The following ASCC3 variants were observed in gnomAD, a reference collection of about 807,000 sequenced individuals.
The protein encoded by ASCC3 is activating signal cointegrator 1 complex subunit 3, also known as ASC-1 complex subunit P200.
Under a neutral mutation model 256.3 loss-of-function variants are expected in ASCC3, and 158 were observed. The ratio of observed to expected loss-of-function variants is 0.62; its 90% confidence interval spans 0.54 to 0.70. ASCC3 has a LOEUF of 0.70. Among genes scored for constraint, ASCC3 ranks in the 30% least tolerant of loss-of-function variants. The probability of loss-of-function intolerance (pLI) is 0.00; values close to 1 mark genes in which losing one functional copy is unlikely to be tolerated. For synonymous variants in ASCC3, 948 were observed against 883.4 expected (o/e 1.07, Z -1.30); for missense variants, 2,259 against 2,626.0 (o/e 0.86, Z 3.05).
intron 11 of ASCC3, among the ~76,000 whole-genome samples, chr6:100,724,169 A>C (rs920367374): frequency 3.2e-4 from 48 of 150,640 alleles, no homozygotes; most frequent in Admixed American, 5.3e-4. Context: ...ACAAAAAAAA[A>C]CACACAAGTG....
At chr6:100,640,791 A>G (rs1448017344) in intron 24 of ASCC3, among the ~76,000 whole-genome samples, 4 of 152,184 alleles carry the variant, frequency 2.6e-5, no homozygotes, top group African/African-American at 9.6e-5. Context: ...AAGCCAAAGT[A>G]TAAAGTATCT....
intron 14 of ASCC3, among the ~76,000 whole-genome samples, chr6:100,664,972 C>T (rs1776395105): frequency 6.6e-6 from 1 of 152,176 alleles, no homozygotes; most frequent in Non-Finnish European, 1.5e-5. Context: ...AAATGTTCTG[C>T]TGTCCTTCTT....
At chr6:100,654,999 T>A (rs1582641417) in intron 17 of ASCC3, among the ~76,000 whole-genome samples, 1 of 151,998 alleles carries the variant, frequency 6.6e-6, no homozygotes, top group East Asian at 1.9e-4. Context: ...AATTTTGACT[T>A]AATACTAGTT....
intron 1 of ASCC3, among the ~76,000 whole-genome samples, chr6:100,880,168 C>T (rs1230184190): frequency 6.6e-6 from 1 of 152,024 alleles, no homozygotes; most frequent in Non-Finnish European, 1.5e-5. Context: ...CTTTAAGGAT[C>T]ATTTTTCTCA....
intron 13 of ASCC3, among the ~76,000 whole-genome samples, chr6:100,705,614 A>G (rs1284961243): frequency 6.6e-6 from 1 of 152,018 alleles, no homozygotes; most frequent in Non-Finnish European, 1.5e-5. Context: ...GAAGGCAAGA[A>G]AAAAGCAAAT....
intron 8 of ASCC3, among the ~76,000 whole-genome samples, chr6:100,782,770 GC>G (rs1782508415): frequency 6.6e-6 from 1 of 151,674 alleles, no homozygotes; most frequent in Non-Finnish European, 1.5e-5. Flanking sequence ...TCTTTTTATG[GC>G]CAAAAAAAAG....
chr6:100,662,754 A>G (rs1776287260), intron 14 of ASCC3, among the ~76,000 whole-genome samples: 1 of 152,026 alleles, frequency 6.6e-6, no homozygotes, highest in African/African-American at 2.4e-5. Context: ...CAAAATTCAA[A>G]AGGAAAGAGG....
chr6:100,865,020 A>G (rs1261901074), intron 2 of ASCC3, among the ~76,000 whole-genome samples: 2 of 152,212 alleles, frequency 1.3e-5, no homozygotes, highest in Non-Finnish European at 2.9e-5. Flanking sequence ...TAATTTTGCT[A>G]TTGGTTAGAA....
intron 10 of ASCC3, among the ~76,000 whole-genome samples, chr6:100,741,072 C>T (rs1780412876): frequency 6.6e-6 from 1 of 152,148 alleles, no homozygotes; most frequent in Admixed American, 6.6e-5. Flanking sequence ...GCAAGGCAGG[C>T]CTGGTAGTGA....
At chr6:100,583,654 TTTCTAG>T (rs1771454068) in intron 36 of ASCC3, among the ~76,000 whole-genome samples, 1 of 152,204 alleles carries the variant, frequency 6.6e-6, no homozygotes, top group African/African-American at 2.4e-5. Flanking sequence ...TGCTCTTGCT[TTTCTAG>T]TTCTTTTAAT....
rs139622935 is a variant in ASCC3, at chr6:100,660,880, CT to C, written c.2703+925del. Among the ~76,000 whole-genome samples, 778 of 151,648 alleles carry C rather than the reference CT, an allele frequency of 5.1e-3. 6 individuals are homozygous for C. The highest frequency in any genetic ancestry group is 0.018 in the African/African-American group (748 of 41,462). On this transcript the variant is annotated intron_variant, in intron 16 of 41. Transcript: ENST00000369162. ...ACATTATTGCACTGTGTTTTCATGT[CT>C]TTTTCTCCCCTTTTGGAATATACAC...
chr6:100,727,933 T>G (rs1779717172), intron 10 of ASCC3, among the ~76,000 whole-genome samples: 2 of 152,060 alleles, frequency 1.3e-5, no homozygotes. Flanking sequence ...CAAAACACAG[T>G]GTATCTCTTC....
chr6:100,873,582 A>T (rs1773853775), intron 1 of ASCC3, among the ~76,000 whole-genome samples: 1 of 152,212 alleles, frequency 6.6e-6, no homozygotes, highest in Admixed American at 6.5e-5. Flanking sequence ...TCATCAGGTT[A>T]TCTAAAGTTA....
chr6:100,736,776 C>T (rs1381732544), intron 10 of ASCC3, among the ~76,000 whole-genome samples: 2 of 152,140 alleles, frequency 1.3e-5, no homozygotes, highest in African/African-American at 2.4e-5. Context: ...AATGGCTCCC[C>T]TTGGATCTAA....
intron 13 of ASCC3, among the ~76,000 whole-genome samples, chr6:100,703,762 T>A (rs1261491321): frequency 1.3e-5 from 2 of 151,934 alleles, no homozygotes; most frequent in Admixed American, 6.6e-5. Flanking sequence ...CACTTCCAAC[T>A]CTTCCAAACA....
chr6:100,527,821 C>T (rs1224644657), intron 37 of ASCC3, among the ~76,000 whole-genome samples: 2 of 151,762 alleles, frequency 1.3e-5, no homozygotes, highest in East Asian at 1.9e-4. Flanking sequence ...GATATACACA[C>T]ACATCTTCTT....
At chr6:100,514,052 T>G (rs765136453) in intron 39 of ASCC3, among the ~76,000 whole-genome samples, 7 of 152,092 alleles carry the variant, frequency 4.6e-5, no homozygotes, top group Admixed American at 1.3e-4. Flanking sequence ...CTGCTGAGTA[T>G]ACCTAATTGA....
intron 30 of ASCC3, among the ~76,000 whole-genome samples, chr6:100,613,074 T>C (rs982791266): frequency 8.6e-5 from 13 of 151,762 alleles, no homozygotes; most frequent in African/African-American, 2.9e-4. Context: ...TTCTTTCTTT[T>C]TTTTTTCAGG....
chr6:100,738,843 G>A (rs1206228269), intron 10 of ASCC3, among the ~76,000 whole-genome samples: 7 of 152,190 alleles, frequency 4.6e-5, no homozygotes, highest in Admixed American at 4.6e-4. Flanking sequence ...CTTTTGGAAT[G>A]AGACAATGGG....
Sources: allele counts gnomAD v4.1 joint callset (sites outside exome capture counted in the v4.1 genomes callset), GRCh38; gene constraint gnomAD v4.1.1; transcripts MANE v1.5; gene names NCBI Gene and HGNC (gene_info 2026-07-23, HGNC 2026-07-21).